Variants in PCSK2 observed in about 807,000 individuals in gnomAD.
PCSK2 encodes proprotein convertase subtilisin/kexin type 2.
PCSK2 carries 14 observed loss-of-function variants against 69.7 expected under a neutral mutation model. The observed-to-expected ratio is 0.20, with a 90% CI of 0.13 to 0.31. The LOEUF is 0.31. Among genes scored for constraint, PCSK2 ranks in the 10% least tolerant of loss-of-function variants. The probability of loss-of-function intolerance (pLI) is 1.00; values close to 1 mark genes in which losing one functional copy is unlikely to be tolerated. For missense variants in PCSK2, 544 were observed against 842.5 expected (o/e 0.65, Z 4.39); for synonymous variants, 307 against 320.7 (o/e 0.96, Z 0.46).
At position 17,227,343 on chromosome 20, in the gene PCSK2, C is replaced by A. The variant is rs1489999998; in HGVS notation, c.38C>A (p.Ala13Asp). The A allele has an allele frequency of 6.2e-7, 1 of 1,613,994 alleles. No individual in the cohort carries two copies. ...TGTGTCTCCCAGTGGAAGGCGGCCG[C>A]CGGGTTCCTCTTCTGTGTCATGGTT... ...GGCVSQWKAAAGFLFCVMVFA... is the reference protein window; with the variant it reads ...GGCVSQWKAADGFLFCVMVFA... The change falls in exon 1 of 12, where the codon GCC (alanine) becomes GAC (aspartate). Residue 13 changes from alanine to aspartate, a missense_variant. This residue lies in a region of PCSK2 where 157 missense variants were observed against 155.0 expected (regional missense o/e 1.01). Transcript: ENST00000262545.
chr20:17,307,167 A>AGG (rs1989352396), intron 2 of PCSK2, among the ~76,000 whole-genome samples: 1 of 152,196 alleles, frequency 6.6e-6, no homozygotes, highest in African/African-American at 2.4e-5. Context: ...TAGAGACCCT[A>AGG]CTTGCCAAGC....
At chr20:17,343,823 C>A (rs538893986) in intron 2 of PCSK2, among the ~76,000 whole-genome samples, 1 of 152,274 alleles carries the variant, frequency 6.6e-6, no homozygotes, top group East Asian at 1.9e-4. Flanking sequence ...AATGAGGAAG[C>A]CTCCAGAAGC....
intron 5 of PCSK2, among the ~76,000 whole-genome samples, chr20:17,390,499 G>A (rs1253952245): frequency 1.3e-5 from 2 of 152,194 alleles, no homozygotes; most frequent in Admixed American, 6.5e-5. Context: ...AATGTGGGAA[G>A]AATGAGTGGA....
intron 2 of PCSK2, among the ~76,000 whole-genome samples, chr20:17,334,493 T>C (rs1312135728): frequency 2.0e-5 from 3 of 152,114 alleles, no homozygotes; most frequent in Non-Finnish European, 4.4e-5. Context: ...TCTCTCAGTG[T>C]GGTGACAGCG....
chr20:17,274,111 T>A (rs1238530420), intron 2 of PCSK2, among the ~76,000 whole-genome samples: 1 of 152,150 alleles, frequency 6.6e-6, no homozygotes, highest in Non-Finnish European at 1.5e-5. Context: ...CCTTGCATAG[T>A]GTATTTTTTA....
chr20:17,228,771 G>C (rs1008216573), intron 1 of PCSK2, among the ~76,000 whole-genome samples: 1 of 152,210 alleles, frequency 6.6e-6, no homozygotes, highest in Admixed American at 6.5e-5. Flanking sequence ...CTCCTCCTAA[G>C]GGCGTAGGCA....
At chr20:17,444,307 T>G (rs1353234254) in intron 8 of PCSK2, among the ~76,000 whole-genome samples, 1 of 152,278 alleles carries the variant, frequency 6.6e-6, no homozygotes, top group East Asian at 1.9e-4. Flanking sequence ...TATCGGGGCA[T>G]GCACTGTTTG....
chr20:17,478,641 A>C (rs1022908799), intron 11 of PCSK2, among the ~76,000 whole-genome samples: 1 of 152,228 alleles, frequency 6.6e-6, no homozygotes, highest in Non-Finnish European at 1.5e-5. Context: ...AGGGGAAGAA[A>C]GTTTTAAAAA....
intron 2 of PCSK2, among the ~76,000 whole-genome samples, chr20:17,309,836 A>G (rs1006846402): frequency 6.7e-6 from 1 of 149,450 alleles, no homozygotes; most frequent in African/African-American, 2.5e-5. Flanking sequence ...AAGAAGAAGA[A>G]GAAGAGGAAG....
intron 2 of PCSK2, among the ~76,000 whole-genome samples, chr20:17,267,546 C>T (rs1987667365): frequency 6.6e-6 from 1 of 152,192 alleles, no homozygotes; most frequent in African/African-American, 2.4e-5. Flanking sequence ...CAAAGAGCTG[C>T]TGCTGGTGCT....
chr20:17,360,777 G>C, intron 4 of PCSK2, 137 bp downstream of exon 4: 2 of 595,506 alleles, frequency 3.4e-6, no homozygotes, highest in Non-Finnish European at 6.1e-6. Context: ...ACACTGCACT[G>C]TGCCCAGATC....
At chr20:17,447,583 C>T (rs1206841932) in intron 8 of PCSK2, among the ~76,000 whole-genome samples, 1 of 147,658 alleles carries the variant, frequency 6.8e-6, no homozygotes. Context: ...AATAATATGG[C>T]AGATGGACTA....
chr20:17,419,079 A>G (rs1441237172), intron 6 of PCSK2, among the ~76,000 whole-genome samples: 1 of 152,260 alleles, frequency 6.6e-6, no homozygotes, highest in African/African-American at 2.4e-5. Flanking sequence ...TGAGTTCAAT[A>G]GCAACACATC....
At chr20:17,290,946 A>G (rs575594918) in intron 2 of PCSK2, among the ~76,000 whole-genome samples, 79 of 152,040 alleles carry the variant, frequency 5.2e-4, no homozygotes, top group African/African-American at 1.8e-3. Context: ...CGGTACCTAA[A>G]CCATGCCCTC....
rs766172175 is a variant in PCSK2, at chr20:17,360,565, C to G, written c.430C>G (p.Leu144Val). The stretch of plus-strand genomic sequence containing the variant: ...TGGGCAAGCTGATGGCACTCCTGGC[C>G]TTGATTTGAATGTGGCTGAAGCCTG... ...NTGQADGTPG[L>V]DLNVAEAWEL... Residue 144 changes from leucine to valine, a missense_variant, in exon 4 of 12, where the codon CTT becomes GTT. Coordinates refer to ENST00000262545, the MANE Select transcript of PCSK2 (RefSeq NM_002594.5). The G allele has an allele frequency of 6.2e-7, 1 of 1,612,678 alleles. No individual in the cohort carries two copies. The highest frequency in any genetic ancestry group is 8.5e-7 in the Non-Finnish European group (1 of 1,179,156).
chr20:17,437,664 CAA>C (rs745730844), intron 8 of PCSK2, among the ~76,000 whole-genome samples: 41 of 152,324 alleles, frequency 2.7e-4, no homozygotes, highest in Admixed American at 8.5e-4. Flanking sequence ...GAAGTGCCTG[CAA>C]AGAGTCAGAA....
At chr20:17,378,300 GA>G (rs1332133663) in intron 5 of PCSK2, among the ~76,000 whole-genome samples, 4 of 133,850 alleles carry the variant, frequency 3.0e-5, no homozygotes, top group Non-Finnish European at 7.1e-5. Flanking sequence ...AATTCATCTA[GA>G]AGCTTCATCA....
intron 6 of PCSK2, among the ~76,000 whole-genome samples, chr20:17,411,009 A>G (rs1000904179): frequency 6.6e-6 from 1 of 152,202 alleles, no homozygotes; most frequent in African/African-American, 2.4e-5. Flanking sequence ...CAATGGAAAG[A>G]TTATCCCCCA....
In PCSK2 at chr20:17,483,514, T is replaced by A. The variant is rs549489828; in HGVS notation, c.*1444T>A. ...CAAGAAATGCTTTGTCTTCAGCCTC[T>A]CCAGGCACCATCTCCCTTCCTGTGG... On this transcript the variant is annotated 3_prime_UTR_variant, in exon 12 of 12. Coordinates refer to ENST00000262545, the MANE Select transcript of PCSK2 (RefSeq NM_002594.5). 1 of 152,362 alleles carries A rather than the reference T, an allele frequency of 6.6e-6. No individual in the cohort carries two copies. The highest frequency in any genetic ancestry group is 1.9e-4 in the East Asian group (1 of 5,176). 9.4% of individuals were successfully genotyped at this position (152,362 alleles called of 1,614,324 possible).
Sources: allele counts gnomAD v4.1 joint callset (sites outside exome capture counted in the v4.1 genomes callset), GRCh38; gene constraint gnomAD v4.1.1; regional missense constraint gnomAD v4.1.1; transcripts MANE v1.5; gene names NCBI Gene and HGNC (gene_info 2026-07-23, HGNC 2026-07-21).